The following DNAJC21 variants were observed in gnomAD, a reference collection of about 807,000 sequenced individuals.
The protein encoded by DNAJC21 is DnaJ heat shock protein family (Hsp40) member C21, also known as dnaJ homolog subfamily C member 21.
A neutral mutation model predicts 72.4 loss-of-function variants in DNAJC21; 63 were observed. The ratio of observed to expected loss-of-function variants is 0.87; its 90% CI spans 0.71 to 1.07. The LOEUF is 1.07. Ranked by LOEUF, DNAJC21 falls within the 50% of genes least tolerant of loss-of-function variation. The pLI, the probability that DNAJC21 is intolerant of heterozygous loss-of-function variation, is 0.00. For synonymous variants in DNAJC21, 203 were observed against 216.7 expected (o/e 0.94, Z 0.56); for missense variants, 634 against 644.8 (o/e 0.98, Z 0.18).
At chr5:34,930,302 C>G (rs898909745) in intron 1 of DNAJC21, 5 of 157,556 alleles carry the variant, frequency 3.2e-5, no homozygotes, top group African/African-American at 1.2e-4. Flanking sequence ...CGCAGCCTCT[C>G]GGTGTTTTTC....
chr5:34,946,120 GACA>G (rs909919046), intron 9 of DNAJC21, among the ~76,000 whole-genome samples: 4 of 152,170 alleles, frequency 2.6e-5, no homozygotes, highest in Admixed American at 2.6e-4. Flanking sequence ...TTTAAGTCAA[GACA>G]ACAATTAAAA....
rs1399236978 is a variant in DNAJC21 at position 34,951,917 on chromosome 5, T to C, written c.1358+1575T>C. The C allele has an allele frequency of 7.1e-6, 7 of 985,354 alleles. No homozygotes were observed. In the African/African-American group the frequency reaches 1.0e-4, roughly 15 times the overall value. 61.0% of individuals were successfully genotyped at this position (985,354 alleles called of 1,614,324 possible). A position where few individuals can be genotyped will look rare whatever the true frequency, so the allele number is the denominator to read the frequency against. ...ATATAGTTCAGCTCTCTAATTTCAC[T>C]GATGTGAGGAAAGGATTCAGAGAAT... On this transcript the variant is annotated intron_variant, in intron 10 of 11. Transcript: ENST00000648817.
At chr5:34,948,958 A>G (rs955019232) in intron 9 of DNAJC21, among the ~76,000 whole-genome samples, 7 of 152,194 alleles carry the variant, frequency 4.6e-5, no homozygotes, top group African/African-American at 1.4e-4. Flanking sequence ...TAATAGAGGG[A>G]GAAAATCACT....
Position 34,933,855 on chromosome 5 carries a change from T to C in DNAJC21, c.138T>C (p.Phe46=). The change falls in exon 2 of 12, where the codon TTT becomes TTC. Residue 46 remains phenylalanine, a synonymous_variant. Coordinates refer to ENST00000648817, the MANE Select transcript of DNAJC21 (RefSeq NM_001012339.3). Reference sequence around the variant, plus strand: ...ATGCCGCAGAAGCAGCTGAACAATTTAAATTAATCCAAGCAGCATATGATG... The same window carrying C: ...ATGCCGCAGAAGCAGCTGAACAATTCAAATTAATCCAAGCAGCATATGATG... ...LDNAAEAAEQ[F]KLIQAAYDVL... The C allele has an allele frequency of 6.2e-7, 1 of 1,613,968 alleles. No individual in the cohort carries two copies. The highest frequency in any genetic ancestry group is 8.5e-7 in the Non-Finnish European group (1 of 1,179,934).
intron 4 of DNAJC21, 63 bp from the exon 5 acceptor site, chr5:34,937,263 T>G (rs1764809709): frequency 6.6e-7 from 1 of 1,512,410 alleles, no homozygotes; most frequent in East Asian, 2.3e-5. Flanking sequence ...ATCAGTAATA[T>G]TTACTGCTTT....
chr5:34,948,296 T>G (rs1390715018), intron 9 of DNAJC21, among the ~76,000 whole-genome samples: 1 of 152,188 alleles, frequency 6.6e-6, no homozygotes, highest in Admixed American at 6.5e-5. Flanking sequence ...GGTTTTTAAG[T>G]TCACTTTTCC....
chr5:34,952,839 A>C (rs563155831), intron 10 of DNAJC21: 1 of 152,282 alleles, frequency 6.6e-6, no homozygotes, highest in East Asian at 1.9e-4. Context: ...GTGTTTGTTA[A>C]ACTGGATCAC....
Position 34,944,874 on chromosome 5 carries a change from A to C in DNAJC21, c.991A>C (p.Asn331His). Reference sequence around the variant, plus strand: ...GTCAGATTGCTCTTTCAGCATGAAGAATCACGAGAAGTCAAAGAAGCATCG... The same window carrying C: ...GTCAGATTGCTCTTTCAGCATGAAGCATCACGAGAAGTCAAAGAAGCATCG... ...KSFKTEKAMK[N>H]HEKSKKHREM... Residue 331 changes from asparagine (N) to histidine (H), a missense_variant, in exon 8 of 12, where the codon AAT (asparagine) becomes CAT (histidine). Coordinates refer to ENST00000648817, the MANE Select transcript of DNAJC21 (RefSeq NM_001012339.3). The C allele has an allele frequency of 1.2e-6, 2 of 1,614,170 alleles. No homozygotes were observed. The highest frequency in any genetic ancestry group is 1.7e-6 in the Non-Finnish European group (2 of 1,180,010).
intron 1 of DNAJC21, among the ~76,000 whole-genome samples, chr5:34,932,148 C>T (rs1410898436): frequency 2.6e-5 from 4 of 152,090 alleles, no homozygotes; most frequent in East Asian, 1.9e-4. Context: ...CGGCCAGGTG[C>T]GGTGACTCAC....
chr5:34,944,846 C>T (rs766786173), intron 7 of DNAJC21, 21 bp from the exon 8 acceptor site: 2 of 1,613,308 alleles, frequency 1.2e-6, no homozygotes, highest in Non-Finnish European at 1.7e-6. Flanking sequence ...CGCAGCTGCT[C>T]ACGTCAGATT....
intron 1 of DNAJC21, chr5:34,930,132 A>C: frequency 2.8e-6 from 1 of 351,326 alleles, no homozygotes; most frequent in Non-Finnish European, 5.3e-6. Flanking sequence ...CCATCTCCTC[A>C]TACCCGCGAC....
At chr5:34,942,073 T>C (rs1765014592) in intron 7 of DNAJC21, among the ~76,000 whole-genome samples, 1 of 152,104 alleles carries the variant, frequency 6.6e-6, no homozygotes, top group Non-Finnish European at 1.5e-5. Flanking sequence ...ACACATGCAC[T>C]GTCTCCAGAA....
In DNAJC21 at chr5:34,953,865, A is replaced by T. The variant is rs150293631; in HGVS notation, c.1359-61A>T. The T allele has an allele frequency of 4.7e-5, 65 of 1,377,854 alleles. No individual in the cohort carries two copies. In the East Asian group the frequency reaches 1.5e-3, roughly 32 times the overall value. 85.4% of individuals were successfully genotyped at this position (1,377,854 alleles called of 1,614,324 possible). On this transcript the variant is annotated intron_variant, in intron 10 of 11. Coordinates refer to ENST00000648817, the MANE Select transcript of DNAJC21 (RefSeq NM_001012339.3). ...TTTTGAGTGTTCTAGAGAGCACTCA[A>T]ATAATGATGGTTAAAAGGAGTATGT...
rs1017562823 is a variant in DNAJC21, at chr5:34,941,162, A to G, written c.962A>G (p.Lys321Arg). 1.2e-6 allele frequency: 2 copies of G among 1,613,990 alleles called. No individual in the cohort carries two copies. The highest frequency in any genetic ancestry group is 1.3e-5 in the African/African-American group (1 of 74,904). Residue 321 changes from lysine to arginine, a missense_variant, in exon 7 of 12, where the codon AAA becomes AGA. Transcript: ENST00000648817. ...YDDLYCPACDKSFKTEKAMKN... is the reference protein window; with the variant it reads ...YDDLYCPACDRSFKTEKAMKN... ...GACCTTTACTGCCCAGCATGTGACA[A>G]ATCGTTCAAGACAGAAAAGGCGTAA...
chr5:34,933,893 C>A lies in DNAJC21; in HGVS notation c.176C>A (p.Pro59His). Residue 59 changes from proline (P) to histidine (H), a missense_variant, in exon 2 of 12, where the codon CCT becomes CAT. Physicochemically the swap from Pro to His is moderately conservative, Grantham distance 77. Coordinates refer to ENST00000648817, the MANE Select transcript of DNAJC21 (RefSeq NM_001012339.3). Reference protein sequence around the residue: ...IQAAYDVLSDPQERAWYDNHR... With the variant: ...IQAAYDVLSDHQERAWYDNHR... ...GCAGCATATGATGTGTTGAGTGACCCTCAGGAAAGAGCATGGTGAGCATCA... is the reference window on the plus strand; with the variant it reads ...GCAGCATATGATGTGTTGAGTGACCATCAGGAAAGAGCATGGTGAGCATCA... 2 of 1,613,780 alleles carry A rather than the reference C, an allele frequency of 1.2e-6. No homozygotes were observed. Among genetic ancestry groups the A allele is most frequent in the South Asian group, 2.2e-5 (2 of 91,048 alleles).
intron 6 of DNAJC21, among the ~76,000 whole-genome samples, chr5:34,940,686 A>G (rs1391698142): frequency 2.0e-5 from 3 of 152,224 alleles, no homozygotes; most frequent in African/African-American, 7.2e-5. Flanking sequence ...GAATGTTATA[A>G]ACTTATAAAC....
chr5:34,941,029 T>C (rs1764968940), intron 6 of DNAJC21, 67 bp from the exon 7 acceptor site: 2 of 1,255,856 alleles, frequency 1.6e-6, no homozygotes, highest in East Asian at 4.7e-5. Flanking sequence ...AATTTCTAAT[T>C]TGTTAGCATA....
chr5:34,953,945 A>G lies in DNAJC21; in HGVS notation c.1378A>G (p.Lys460Glu). Reference sequence around the variant, plus strand: ...TTCCAGTGTTCCTAAACCCAAAGGAAAGAAAACCAAAGATATGAAAAAACC... The same window carrying G: ...TTCCAGTGTTCCTAAACCCAAAGGAGAGAAAACCAAAGATATGAAAAAACC... ...EAKSVPKPKG[K>E]KTKDMKKPVR... Residue 460 changes from lysine to glutamate, a missense_variant, in exon 11 of 12, where the codon AAG (lysine) becomes GAG (glutamate). By Grantham distance (56) the Lys-to-Glu change is moderately conservative. Transcript: ENST00000648817. 1 of 1,611,680 alleles carries G rather than the reference A, an allele frequency of 6.2e-7. No homozygotes were observed. The highest frequency in any genetic ancestry group is 1.3e-5 in the African/African-American group (1 of 74,956).
Position 34,933,850 on chromosome 5 carries a change from C to A in DNAJC21, c.133C>A (p.Gln45Lys), listed in dbSNP as rs1764680280. 3 of 1,613,836 alleles carry A rather than the reference C, an allele frequency of 1.9e-6. No homozygotes were observed. Among genetic ancestry groups the A allele is most frequent in the Non-Finnish European group, 1.7e-6 (2 of 1,179,908 alleles). Reference sequence around the variant, plus strand: ...GGATAATGCCGCAGAAGCAGCTGAACAATTTAAATTAATCCAAGCAGCATA... The same window carrying A: ...GGATAATGCCGCAGAAGCAGCTGAAAAATTTAAATTAATCCAAGCAGCATA... ...NLDNAAEAAE[Q>K]FKLIQAAYDV... Residue 45 changes from glutamine (Q) to lysine (K), a missense_variant, in exon 2 of 12, where the codon CAA becomes AAA. Coordinates refer to ENST00000648817, the MANE Select transcript of DNAJC21 (RefSeq NM_001012339.3).
Sources: allele counts gnomAD v4.1 joint callset (sites outside exome capture counted in the v4.1 genomes callset), GRCh38; gene constraint gnomAD v4.1.1; transcripts MANE v1.5; gene names NCBI Gene and HGNC (gene_info 2026-07-23, HGNC 2026-07-21).